ADCY5: variants seen among roughly 807,000 people sequenced by gnomAD.
ADCY5 encodes adenylate cyclase 5, also known as adenylate cyclase type 5.
In ADCY5, 30 loss-of-function variants were observed where a neutral mutation model predicts 119.7. The ratio of observed to expected loss-of-function variants is 0.25; its 90% CI spans 0.19 to 0.34. The LOEUF is 0.34. Ranked by LOEUF, ADCY5 falls within the 10% of genes least tolerant of loss-of-function variation. The probability of loss-of-function intolerance (pLI) is 1.00; values close to 1 mark genes in which losing one functional copy is unlikely to be tolerated. For synonymous variants in ADCY5, 753 were observed against 762.2 expected, an observed-to-expected ratio of 0.99 and a Z score of 0.20; for missense variants, 1,324 against 1,775.2, an observed-to-expected ratio of 0.75 and a Z score of 4.57.
At chr3:123,285,448 ATG>A (rs1194438849) in intron 20 of ADCY5, among the ~76,000 whole-genome samples, 1 of 152,130 alleles carries the variant, frequency 6.6e-6, no homozygotes, top group East Asian at 1.9e-4. Context: ...GTGGGGACAG[ATG>A]TGGGGAGGGG....
At chr3:123,296,002 C>T in intron 17 of ADCY5, 82 bp downstream of exon 17, 1 of 1,570,454 alleles carries the variant, frequency 6.4e-7, no homozygotes. Context: ...CCGGCTTGGC[C>T]TGGCCCAGCA....
intron 3 of ADCY5, among the ~76,000 whole-genome samples, chr3:123,345,729 G>GACAGAGAA (rs1942500356): frequency 1.0e-5 from 1 of 98,180 alleles, no homozygotes; most frequent in African/African-American, 3.5e-5. Context: ...CAGTCACAGA[G>GACAGAGAA]ACAGAGAGAC....
chr3:123,365,656 TG>T (rs1450683748), intron 1 of ADCY5, among the ~76,000 whole-genome samples: 2 of 152,066 alleles, frequency 1.3e-5, no homozygotes, highest in African/African-American at 2.4e-5. Flanking sequence ...AAAAGCTAAA[TG>T]CAAGAGTAGG....
rs371954714 is a variant in ADCY5 at position 123,425,011 on chromosome 3, G to C, written c.1134+22401C>G. ...GGGTCAGGGTCTGTTGTGACTTCTG[G>C]CGCACTGGCACACCCCCTCCCCAGG... On this transcript the variant is annotated intron_variant, in intron 1 of 20. Transcript: ENST00000462833. Among the ~76,000 whole-genome samples, 31 of 152,300 alleles carry C rather than the reference G, an allele frequency of 2.0e-4. No homozygotes were observed. In the South Asian group the frequency reaches 2.1e-3, roughly 10 times the overall value.
At chr3:123,289,728 C>A (rs1309348648) in intron 19 of ADCY5, 22 bp downstream of exon 19, 1 of 1,611,294 alleles carries the variant, frequency 6.2e-7, no homozygotes, top group Admixed American at 1.7e-5. Flanking sequence ...CTGGGCTCAG[C>A]ACTCCCTGGG....
chr3:123,391,310 C>T (rs974132044), intron 1 of ADCY5, among the ~76,000 whole-genome samples: 1 of 152,340 alleles, frequency 6.6e-6, no homozygotes, highest in East Asian at 1.9e-4. Context: ...GCCAAACCCC[C>T]CCTTTCCAGC....
At chr3:123,299,973 G>A (rs1939741335) in intron 15 of ADCY5, 147 bp downstream of exon 15, 1 of 856,446 alleles carries the variant, frequency 1.2e-6, no homozygotes, top group Non-Finnish European at 1.8e-6. Context: ...AAAGAAACAA[G>A]GCCGTTTTCC....
At chr3:123,387,341 G>C (rs559627510) in intron 1 of ADCY5, among the ~76,000 whole-genome samples, 1 of 152,270 alleles carries the variant, frequency 6.6e-6, no homozygotes, top group South Asian at 2.1e-4. Flanking sequence ...TTATTTAAAT[G>C]AGCCTAGACT....
intron 1 of ADCY5, among the ~76,000 whole-genome samples, chr3:123,416,888 A>G (rs1424430424): frequency 1.3e-5 from 2 of 152,144 alleles, no homozygotes; most frequent in African/African-American, 4.8e-5. Flanking sequence ...TCTCACAGGA[A>G]AAAGAGTAGG....
intron 15 of ADCY5, among the ~76,000 whole-genome samples, chr3:123,297,930 A>G (rs1300543476): frequency 6.6e-6 from 1 of 152,268 alleles, no homozygotes; most frequent in Non-Finnish European, 1.5e-5. Flanking sequence ...CTTGTTAAAT[A>G]AAAGTCAAAT....
At chr3:123,438,195 G>C (rs905348642) in intron 1 of ADCY5, among the ~76,000 whole-genome samples, 1 of 152,192 alleles carries the variant, frequency 6.6e-6, no homozygotes, top group African/African-American at 2.4e-5. Context: ...CCCCGCAGTA[G>C]GTTCCTTCGG....
chr3:123,428,822 G>A (rs573267582), intron 1 of ADCY5, among the ~76,000 whole-genome samples: 127 of 152,310 alleles, frequency 8.3e-4, no homozygotes, highest in African/African-American at 3.0e-3. Flanking sequence ...CTCTCTTGAC[G>A]AGGGGCCCAG....
At chr3:123,360,217 G>A (rs1172631959) in intron 1 of ADCY5, among the ~76,000 whole-genome samples, 4 of 152,030 alleles carry the variant, frequency 2.6e-5, no homozygotes. Flanking sequence ...TTTGTGACAA[G>A]GTCTTCTTTC....
At chr3:123,303,365 G>A (rs1031561105) in intron 13 of ADCY5, 146 bp from the exon 14 acceptor site, 2 of 942,298 alleles carry the variant, frequency 2.1e-6, no homozygotes, top group South Asian at 1.7e-5. Flanking sequence ...GAAAGAGTCT[G>A]AGGAACGGGC....
chr3:123,353,969 G>A (rs1273831579), intron 1 of ADCY5, among the ~76,000 whole-genome samples: 2 of 152,044 alleles, frequency 1.3e-5, no homozygotes, highest in African/African-American at 2.4e-5. Context: ...AGAATGCCCT[G>A]AGCTCCCCAT....
intron 1 of ADCY5, among the ~76,000 whole-genome samples, chr3:123,383,812 C>T (rs1361567563): frequency 6.6e-6 from 1 of 151,840 alleles, no homozygotes. Context: ...CACACACACC[C>T]TTCCTCAAGG....
At chr3:123,380,612 C>T (rs900522199) in intron 1 of ADCY5, among the ~76,000 whole-genome samples, 1 of 152,184 alleles carries the variant, frequency 6.6e-6, no homozygotes, top group African/African-American at 2.4e-5. Flanking sequence ...TCCTGTCCTT[C>T]CCCATGAGAA....
chr3:123,419,394 T>C (rs1335441973), intron 1 of ADCY5, among the ~76,000 whole-genome samples: 37 of 152,250 alleles, frequency 2.4e-4, no homozygotes, highest in Admixed American at 2.4e-3. Flanking sequence ...GAAATGTCTC[T>C]CCCTTCACCG....
Position 123,318,096 on chromosome 3 carries a change from GGTC to G in ADCY5, c.2275_2277del (p.Asp759del), listed in dbSNP as rs780518999. The G allele has an allele frequency of 6.3e-4, 1,015 of 1,613,568 alleles. 2 individuals carry two copies. Among genetic ancestry groups the G allele is most frequent in the Non-Finnish European group, 8.4e-4 (989 of 1,179,810 alleles). On this transcript the variant is annotated inframe_deletion, in exon 11 of 21. Coordinates refer to ENST00000462833, the MANE Select transcript of ADCY5 (RefSeq NM_183357.3). ...GCACACGCCACATAGGCACCAAATC[GGTC>G]GTCTACCTGCTTGGAGTACTGAGAG...
Sources: gnomAD v4.1 joint callset for allele counts (sites outside exome capture counted in the v4.1 genomes callset) on GRCh38, gnomAD v4.1.1 for gene constraint, MANE v1.5 for transcripts, NCBI Gene and HGNC (gene_info 2026-07-23, HGNC 2026-07-21) for gene names.